Variants in CNBD1 observed in about 807,000 individuals in gnomAD.
CNBD1 encodes the protein cyclic nucleotide binding domain containing 1.
CNBD1 carries 71 observed loss-of-function variants against 54.4 expected under a neutral mutation model. The observed-to-expected ratio is 1.30, with a 90% CI of 1.08 to 1.59. The LOEUF (loss-of-function observed/expected upper bound fraction) is 1.59. CNBD1 is among the 40% of genes most tolerant of loss of function. The pLI is 0.00. For missense variants in CNBD1, 659 were observed against 518.0 expected, an observed-to-expected ratio of 1.27 and a Z score of -2.64; for synonymous variants, 182 against 170.7, an observed-to-expected ratio of 1.07 and a Z score of -0.51.
chr8:87,422,936 C>G (rs1009761884), intron 2 of CNBD1, among the ~76,000 whole-genome samples: 1 of 151,820 alleles, frequency 6.6e-6, no homozygotes, highest in Non-Finnish European at 1.5e-5. Flanking sequence ...TGTTTGTATC[C>G]TCTTTTATTT....
chr8:87,214,489 G>A (rs530720107), intron 5 of CNBD1, among the ~76,000 whole-genome samples: 1 of 152,146 alleles, frequency 6.6e-6, no homozygotes, highest in Non-Finnish European at 1.5e-5. Flanking sequence ...CTTCTTCTGA[G>A]CCCTCCAAAC....
chr8:87,213,421 G>T (rs1814143660), intron 5 of CNBD1, among the ~76,000 whole-genome samples: 2 of 152,096 alleles, frequency 1.3e-5, no homozygotes, highest in African/African-American at 4.8e-5. Context: ...CACATGGTTG[G>T]GGAAGCCTCA....
At chr8:87,401,813 T>C (rs904705689) in intron 2 of CNBD1, among the ~76,000 whole-genome samples, 2 of 152,016 alleles carry the variant, frequency 1.3e-5, no homozygotes, top group African/African-American at 4.8e-5. Context: ...ATTATGCTTT[T>C]CCACATTAAG....
intron 2 of CNBD1, among the ~76,000 whole-genome samples, chr8:87,408,610 C>G (rs982340527): frequency 6.6e-6 from 1 of 151,950 alleles, no homozygotes; most frequent in Non-Finnish European, 1.5e-5. Flanking sequence ...GTTTATCGTG[C>G]TTCATTATAT....
chr8:87,270,824 G>A (rs1355386678), intron 6 of CNBD1, among the ~76,000 whole-genome samples: 1 of 151,222 alleles, frequency 6.6e-6, no homozygotes, highest in Non-Finnish European at 1.5e-5. Context: ...CATTCTTTTT[G>A]GAAGGATTTC....
intron 4 of CNBD1, among the ~76,000 whole-genome samples, chr8:87,063,794 AT>A (rs1810591699): frequency 6.6e-6 from 1 of 151,948 alleles, no homozygotes; most frequent in African/African-American, 2.4e-5. Flanking sequence ...AGAGTTTATA[AT>A]TTTCTGAAAG....
intron 6 of CNBD1, among the ~76,000 whole-genome samples, chr8:87,271,736 C>G (rs1249375975): frequency 6.6e-6 from 1 of 151,444 alleles, no homozygotes; most frequent in East Asian, 1.9e-4. Flanking sequence ...AACATATGCT[C>G]CCGCAATTCT....
At chr8:87,327,343 T>G (rs1185613990) in intron 8 of CNBD1, among the ~76,000 whole-genome samples, 2 of 150,456 alleles carry the variant, frequency 1.3e-5, no homozygotes, top group Admixed American at 1.3e-4. Context: ...CAGTTCGAGC[T>G]TCCCGGCTGC....
rs547196348 is a variant in CNBD1 at position 87,171,353 on chromosome 8, G to T, written c.432-34640G>T. The stretch of plus-strand genomic sequence containing the variant: ...CACTACTGATGCTTTGAATTTCTGT[G>T]GTATTGGTTGTAATATCTCCTTTTT... On this transcript the variant is annotated intron_variant, in intron 4 of 10. Coordinates refer to ENST00000518476, the MANE Select transcript of CNBD1 (RefSeq NM_173538.3). Among the ~76,000 whole-genome samples the T allele has an allele frequency of 2.0e-5, 3 of 151,786 alleles. No homozygotes were observed. The South Asian group carries it at 6.3e-4, about 32-fold the overall frequency.
At chr8:86,916,274 G>A (rs1809183267) in intron 3 of CNBD1, among the ~76,000 whole-genome samples, 1 of 152,272 alleles carries the variant, frequency 6.6e-6, no homozygotes, top group East Asian at 1.9e-4. Flanking sequence ...ATGAAAAGAC[G>A]TAAAGTACAC....
At chr8:87,136,130 A>C (rs1468454168) in intron 4 of CNBD1, among the ~76,000 whole-genome samples, 1 of 152,070 alleles carries the variant, frequency 6.6e-6, no homozygotes, top group East Asian at 1.9e-4. Flanking sequence ...ATTAATACCC[A>C]AAAATAAAAT....
intron 8 of CNBD1, among the ~76,000 whole-genome samples, chr8:87,300,992 C>T (rs1808976489): frequency 6.6e-6 from 1 of 151,722 alleles, no homozygotes. Flanking sequence ...TCCAAATAAC[C>T]CCACTAAGAA....
chr8:86,880,391 C>T (rs1338822896), intron 1 of CNBD1, among the ~76,000 whole-genome samples: 1 of 151,858 alleles, frequency 6.6e-6, no homozygotes, highest in Non-Finnish European at 1.5e-5. Flanking sequence ...CAAAACAATA[C>T]AGTATAACAC....
rs1173253083 is a variant in CNBD1, at chr8:87,416,221, A to G, written c.214-12325A>G. Among the ~76,000 whole-genome samples, 9 of 152,062 alleles carry G rather than the reference A, an allele frequency of 5.9e-5. No homozygotes were observed. The East Asian group carries it at 1.7e-3, about 29-fold the overall frequency. On this transcript the variant is annotated intron_variant, in intron 2 of 7. Coordinates refer to the CNBD1 transcript ENST00000521593. ...AGGAATGTAATAAACCTCTTGCAAT[A>G]TATAATAGAATAAGAAGATAAAAAT...
rs144054259 is a variant in CNBD1, at chr8:86,944,340, C to T, written c.431+4586C>T. Among the ~76,000 whole-genome samples the T allele has an allele frequency of 3.9e-5, 6 of 152,210 alleles. No homozygotes were observed. In the East Asian group the frequency reaches 1.2e-3, roughly 29 times the overall value. ...CTGTGGGAACACACAATATCTTTGCCCTCATGGAGCTTACATTCTAATGTA... is the reference window on the plus strand; with the variant it reads ...CTGTGGGAACACACAATATCTTTGCTCTCATGGAGCTTACATTCTAATGTA... On this transcript the variant is annotated intron_variant, in intron 4 of 10. Coordinates refer to ENST00000518476, the MANE Select transcript of CNBD1 (RefSeq NM_173538.3).
chr8:87,097,636 AC>A (rs1811346502), intron 4 of CNBD1, among the ~76,000 whole-genome samples: 1 of 152,192 alleles, frequency 6.6e-6, no homozygotes, highest in South Asian at 2.1e-4. Flanking sequence ...TCATTAGTTT[AC>A]CTCATGTTGA....
intron 4 of CNBD1, among the ~76,000 whole-genome samples, chr8:87,152,964 G>T (rs1313290411): frequency 6.6e-6 from 1 of 152,048 alleles, no homozygotes; most frequent in Non-Finnish European, 1.5e-5. Flanking sequence ...TAAACACTAG[G>T]TGCAAGGAAA....
chr8:87,330,067 G>C (rs1160999466), intron 8 of CNBD1, among the ~76,000 whole-genome samples: 1 of 151,892 alleles, frequency 6.6e-6, no homozygotes, highest in African/African-American at 2.4e-5. Context: ...AAGGTCTACT[G>C]AGAGTTTTTA....
intron 8 of CNBD1, among the ~76,000 whole-genome samples, chr8:87,312,702 C>T (rs1036190800): frequency 5.3e-5 from 8 of 151,674 alleles, no homozygotes; most frequent in African/African-American, 1.2e-4. Flanking sequence ...AATAGTATTT[C>T]GAGGTGTTTT....
Sources: gnomAD v4.1 joint callset for allele counts (sites outside exome capture counted in the v4.1 genomes callset) on GRCh38, gnomAD v4.1.1 for gene constraint, MANE v1.5 for transcripts, NCBI Gene and HGNC (gene_info 2026-07-23, HGNC 2026-07-21) for gene names.